The following TCF12 variants were observed in gnomAD, a reference collection of about 807,000 sequenced individuals.
The protein encoded by TCF12 is transcription factor 12.
In TCF12, 45 loss-of-function variants were observed where a neutral mutation model predicts 86.0. The ratio of observed to expected loss-of-function variants is 0.52; its 90% CI spans 0.41 to 0.67. The LOEUF (loss-of-function observed/expected upper bound fraction) is 0.67. TCF12 is among the 30% of genes least tolerant of loss of function. TCF12 has a pLI of 0.00. For synonymous variants in TCF12, 330 were observed against 299.6 expected, an observed-to-expected ratio of 1.10 and a Z score of -1.05; for missense variants, 881 against 859.9, an observed-to-expected ratio of 1.02 and a Z score of -0.31.
At position 56,984,014 on chromosome 15, in the gene TCF12, A is replaced by AAAAAAAAAAAGAAG. The variant is rs777234282; in HGVS notation, c.148+62918_148+62919insAAAAAAAAGAAGAA. Among the ~76,000 whole-genome samples, 24 of 104,436 alleles carry AAAAAAAAAAAGAAG rather than the reference A, an allele frequency of 2.3e-4. 1 individual carries two copies. The highest frequency in any genetic ancestry group is 7.1e-4 in the Admixed American group (6 of 8,488). 68.5% of individuals were successfully genotyped at this position (104,436 alleles called of 152,430 possible). A position where few individuals can be genotyped will look rare whatever the true frequency, so the allele number is the denominator to read the frequency against. On this transcript the variant is annotated intron_variant, in intron 3 of 20. Coordinates refer to ENST00000333725, the MANE Select transcript of TCF12 (RefSeq NM_207037.2). The stretch of plus-strand genomic sequence containing the variant: ...GAGACCCTGTCTCAAAAAAAAAAAA[A>AAAAAAAAAAAGAAG]AAGAAGAAGAAGAATTTTGGATCAA...
intron 13 of TCF12, chr15:57,247,378 A>G: frequency 3.0e-6 from 2 of 660,586 alleles, no homozygotes; most frequent in South Asian, 3.2e-5. Flanking sequence ...AGTTTCCTCC[A>G]TAATAAAATT....
At chr15:57,261,054 AT>A (rs2060564599) in intron 16 of TCF12, among the ~76,000 whole-genome samples, 1 of 152,160 alleles carries the variant, frequency 6.6e-6, no homozygotes, top group Non-Finnish European at 1.5e-5. Flanking sequence ...AGGTTTTGTG[AT>A]TCTAATACAT....
At chr15:57,076,355 C>G (rs2070036991) in intron 4 of TCF12, among the ~76,000 whole-genome samples, 1 of 151,990 alleles carries the variant, frequency 6.6e-6, no homozygotes, top group Admixed American at 6.6e-5. Context: ...AATGATAAAT[C>G]TTTAAGAAAG....
intron 5 of TCF12, among the ~76,000 whole-genome samples, chr15:57,148,916 A>G (rs1456258215): frequency 6.6e-6 from 1 of 152,132 alleles, no homozygotes; most frequent in African/African-American, 2.4e-5. Context: ...AAGCATTATA[A>G]CTAACAACAA....
At chr15:57,075,816 C>CTTT (rs1567370832) in intron 4 of TCF12, among the ~76,000 whole-genome samples, 9 of 49,996 alleles carry the variant, frequency 1.8e-4, no homozygotes, top group East Asian at 8.9e-4. Flanking sequence ...CTCTCTCTCT[C>CTTT]TCTCTCTCTC....
chr15:56,992,493 T>C (rs79441306), intron 3 of TCF12, among the ~76,000 whole-genome samples: 4,452 of 152,324 alleles, frequency 0.029, 186 homozygotes, highest in African/African-American at 0.089. Flanking sequence ...GAGTCTACTA[T>C]TGAAAGTCAC....
chr15:57,179,466 G>T (rs763879514), intron 6 of TCF12, among the ~76,000 whole-genome samples: 3 of 152,154 alleles, frequency 2.0e-5, no homozygotes, highest in Non-Finnish European at 2.9e-5. Context: ...GGAGACAGAG[G>T]CTGCACTGAG....
intron 8 of TCF12, among the ~76,000 whole-genome samples, chr15:57,225,497 G>A (rs958626176): frequency 1.8e-4 from 27 of 151,894 alleles, no homozygotes; most frequent in African/African-American, 5.1e-4. Context: ...CACCCGCCTC[G>A]GCCTCCCAAA....
At chr15:57,282,255 A>G (rs754993673) in intron 19 of TCF12, 190 bp from the exon 20 acceptor site, 3 of 640,710 alleles carry the variant, frequency 4.7e-6, no homozygotes, top group African/African-American at 1.8e-5. Context: ...AAAACACAAG[A>G]TGGTCACTTA....
At position 57,275,327 on chromosome 15, in the gene TCF12, GGTGT is replaced by G. The variant is rs1171707504; in HGVS notation, c.1978+2098_1978+2101del. ...AGCCCAGGGATCTTTGTAAGGTAGG[GGTGT>G]GTGTGTGTGTGTGTGTGTGTGTGTG... On this transcript the variant is annotated intron_variant, in intron 19 of 20. Transcript: ENST00000333725. Among the ~76,000 whole-genome samples the G allele has an allele frequency of 1.6e-3, 103 of 63,852 alleles. 1 individual carries two copies. The highest frequency in any genetic ancestry group is 9.4e-3 in the Middle Eastern group (1 of 106). The allele number at this position is 63,852 out of a possible 152,430, so 41.9% of individuals were successfully genotyped here.
At chr15:57,272,019 T>C (rs1248460848) in intron 18 of TCF12, among the ~76,000 whole-genome samples, 1 of 152,186 alleles carries the variant, frequency 6.6e-6, no homozygotes, top group Non-Finnish European at 1.5e-5. Flanking sequence ...TCTGCTACCA[T>C]AGTTTTGTGT....
At chr15:57,092,095 T>C (rs1426203644) in intron 5 of TCF12, 2 of 424,084 alleles carry the variant, frequency 4.7e-6, no homozygotes, top group South Asian at 5.5e-5. Flanking sequence ...CATTATTGTT[T>C]TGGTGTCAAA....
At chr15:57,193,052 A>G (rs2057066169) in intron 7 of TCF12, among the ~76,000 whole-genome samples, 1 of 152,196 alleles carries the variant, frequency 6.6e-6, no homozygotes, top group African/African-American at 2.4e-5. Flanking sequence ...ATATAACAAA[A>G]TTTGCAAGGT....
chr15:57,155,439 G>C (rs1314458644), intron 5 of TCF12, among the ~76,000 whole-genome samples: 1 of 152,056 alleles, frequency 6.6e-6, no homozygotes, highest in Non-Finnish European at 1.5e-5. Flanking sequence ...TTGCAATACT[G>C]GAGACAGCTC....
chr15:57,086,212 G>GATAATA (rs60173159), intron 4 of TCF12, among the ~76,000 whole-genome samples: 5,215 of 141,548 alleles, frequency 0.037, 153 homozygotes, highest in African/African-American at 0.079. Flanking sequence ...GGATGATGAT[G>GATAATA]ATAATAATAA....
At chr15:57,093,429 T>C in intron 5 of TCF12, among the ~76,000 whole-genome samples, 1 of 152,218 alleles carries the variant, frequency 6.6e-6, no homozygotes, top group East Asian at 1.9e-4. Flanking sequence ...AACTCTGAAC[T>C]GTGAAAAATC....
chr15:57,253,127 G>A (rs1197266489), intron 15 of TCF12, 135 bp from the exon 16 acceptor site: 6 of 825,908 alleles, frequency 7.3e-6, no homozygotes, highest in Admixed American at 4.8e-5. Context: ...TATAGTTCAG[G>A]TGGTTGCTTT....
At chr15:57,198,552 C>T (rs560258050) in intron 8 of TCF12, among the ~76,000 whole-genome samples, 67 of 152,238 alleles carry the variant, frequency 4.4e-4, no homozygotes, top group Non-Finnish European at 7.9e-4. Flanking sequence ...ATACTTTATT[C>T]TTTAAAGGAG....
At chr15:56,992,871 T>G (rs145583216) in intron 3 of TCF12, among the ~76,000 whole-genome samples, 2 of 152,334 alleles carry the variant, frequency 1.3e-5, no homozygotes. Context: ...GGAGTTCATG[T>G]GTCAGTGAGA....
Sources: allele counts gnomAD v4.1 joint callset (sites outside exome capture counted in the v4.1 genomes callset), GRCh38; gene constraint gnomAD v4.1.1; transcripts MANE v1.5; gene names NCBI Gene and HGNC (gene_info 2026-07-23, HGNC 2026-07-21).